Variants in VAC14 observed in about 807,000 individuals in gnomAD.
The protein encoded by VAC14 is protein VAC14 homolog.
A neutral mutation model predicts 85.3 loss-of-function variants in VAC14; 47 were observed. The observed-to-expected ratio is 0.55, with a 90% confidence interval of 0.44 to 0.70. The LOEUF (loss-of-function observed/expected upper bound fraction) is 0.70, where lower values mean the gene tolerates loss of function less well. Ranked by LOEUF, VAC14 falls within the 30% of genes least tolerant of loss-of-function variation. The pLI is 0.00. For synonymous variants in VAC14, 447 were observed against 430.5 expected, an observed-to-expected ratio of 1.04 and a Z score of -0.47; for missense variants, 861 against 1,004.3, an observed-to-expected ratio of 0.86 and a Z score of 1.93.
chr16:70,762,617 A>T lies in VAC14; in HGVS notation c.1306-12T>A, dbSNP rs1298145985. ...GTGTGCCGGAACATCTGGAGGGCAG[A>T]GAAGCAGGGGTGCCCGTGAGTGCTC... On this transcript the variant is annotated splice_polypyrimidine_tract_variant and intron_variant, in intron 11 of 18. Coordinates refer to ENST00000261776, the MANE Select transcript of VAC14 (RefSeq NM_018052.5). The surrounding 1 kb of genome is among the most constrained non-coding windows in gnomAD (Gnocchi z 4.1). The T allele has an allele frequency of 6.2e-7, 1 of 1,613,908 alleles. No individual in the cohort carries two copies. The highest frequency in any genetic ancestry group is 8.5e-7 in the Non-Finnish European group (1 of 1,179,874).
At chr16:70,705,822 C>T (rs2053910331) in intron 14 of VAC14, among the ~76,000 whole-genome samples, 1 of 152,236 alleles carries the variant, frequency 6.6e-6, no homozygotes, top group Non-Finnish European at 1.5e-5. Context: ...CTATGCTCCA[C>T]CTTGTCCACT....
intron 3 of VAC14, 97 bp from the exon 4 acceptor site, chr16:70,784,935 T>G: frequency 2.8e-6 from 3 of 1,058,446 alleles, no homozygotes; most frequent in Non-Finnish European, 4.4e-6. Flanking sequence ...GAGGCCTTGG[T>G]GCAGCCCAGA....
chr16:70,692,344 C>G (rs1361670999), intron 18 of VAC14, among the ~76,000 whole-genome samples: 3 of 151,898 alleles, frequency 2.0e-5, no homozygotes, highest in African/African-American at 7.3e-5. Context: ...ATGATGGGGT[C>G]TCCCAGTGAC....
At chr16:70,747,970 T>A (rs547752771) in intron 12 of VAC14, 1 of 146,744 alleles carries the variant, frequency 6.8e-6, no homozygotes, top group Admixed American at 7.0e-5. Flanking sequence ...ACCCTTCGAG[T>A]GGCTCCAGGG....
Position 70,687,817 on chromosome 16 carries a change from G to T in VAC14, c.*111C>A. ...CCGGCCCCAACACTGCCCTGGGTTG[G>T]CAGGCCCAGCCCTGGTCCTGACAGG... On this transcript the variant is annotated 3_prime_UTR_variant, in exon 19 of 19. Coordinates refer to ENST00000261776, the MANE Select transcript of VAC14 (RefSeq NM_018052.5). 1 of 1,201,180 alleles carries T rather than the reference G, an allele frequency of 8.3e-7. No homozygotes were observed. The highest frequency in any genetic ancestry group is 1.1e-6 in the Non-Finnish European group (1 of 934,936). The allele number at this position is 1,201,180 out of a possible 1,614,324, so 74.4% of individuals were successfully genotyped here. A position where few individuals can be genotyped will look rare whatever the true frequency, so the allele number is the denominator to read the frequency against.
At chr16:70,703,254 C>T (rs2053862699) in intron 14 of VAC14, among the ~76,000 whole-genome samples, 1 of 152,264 alleles carries the variant, frequency 6.6e-6, no homozygotes, top group Non-Finnish European at 1.5e-5. Context: ...CCATATTTTC[C>T]AACACCCGCA....
At position 70,801,061 on chromosome 16, in the gene VAC14, G is replaced by A. The variant is rs2034782719; in HGVS notation, c.-161C>T. 1 of 490,942 alleles carries A rather than the reference G, an allele frequency of 2.0e-6. No individual in the cohort carries two copies. Among genetic ancestry groups the A allele is most frequent in the South Asian group, 3.4e-5 (1 of 29,020 alleles). 30.4% of individuals were successfully genotyped at this position (490,942 alleles called of 1,614,324 possible). On this transcript the variant is annotated 5_prime_UTR_variant, in exon 1 of 19. Coordinates refer to ENST00000261776, the MANE Select transcript of VAC14 (RefSeq NM_018052.5). The stretch of plus-strand genomic sequence containing the variant: ...CTCCGCCGCCTCGCCCTGGAACCCG[G>A]GCCCGGACCCCGCTCCAGCACACCT...
intron 12 of VAC14, among the ~76,000 whole-genome samples, chr16:70,751,097 A>C (rs1020254894): frequency 6.6e-6 from 1 of 152,200 alleles, no homozygotes; most frequent in Non-Finnish European, 1.5e-5. Flanking sequence ...GGATGGACGG[A>C]GAGGCCGCCC....
intron 14 of VAC14, among the ~76,000 whole-genome samples, chr16:70,727,741 C>T (rs13332334): frequency 0.15 from 22,140 of 152,272 alleles, 4,711 homozygotes; most frequent in African/African-American, 0.47. Context: ...CTCTTTGGAA[C>T]GGCCTCAGCC....
intron 14 of VAC14, chr16:70,700,225 CA>C (rs2053797104): frequency 6.6e-6 from 1 of 152,226 alleles, no homozygotes; most frequent in Non-Finnish European, 1.5e-5. Context: ...CCACAAAGCG[CA>C]AACAGTAGGC....
intron 10 of VAC14, chr16:70,769,400 A>G (rs1445591194): frequency 6.6e-6 from 1 of 152,416 alleles, no homozygotes; most frequent in African/African-American, 2.4e-5. Flanking sequence ...CCCGTGTCCA[A>G]GCTCAGTCTC....
rs374970425 is a variant in VAC14 at position 70,744,501 on chromosome 16, C to T, written c.1450G>A (p.Asp484Asn). 3.2e-5 allele frequency: 51 copies of T among 1,613,618 alleles called. No homozygotes were observed. Among genetic ancestry groups the T allele is most frequent in the Non-Finnish European group, 4.0e-5 (47 of 1,179,956 alleles). The change falls in exon 13 of 19, where the codon GAT (aspartate) becomes AAT (asparagine). Residue 484 changes from aspartate to asparagine, a missense_variant. Around this residue, in one of 3 missense-constraint regions of VAC14, gnomAD observed 629 missense variants for 703.1 expected, o/e 0.89. Coordinates refer to ENST00000261776, the MANE Select transcript of VAC14 (RefSeq NM_018052.5). ...AGQTDDPGPL[D>N]GPDLQASHSE... is the part of the protein sequence containing the mutation. ...TGGCTGGCCTGGAGGTCAGGGCCAT[C>T]GAGGGGGCCTGGGTCATCCGTCTGG...
intron 5 of VAC14, among the ~76,000 whole-genome samples, chr16:70,783,908 G>C (rs752367697): frequency 2.0e-5 from 3 of 152,176 alleles, no homozygotes; most frequent in Non-Finnish European, 2.9e-5. Flanking sequence ...TCCCTTCCAG[G>C]GCAACAAGAA....
chr16:70,698,216 G>T (rs1290475613), intron 15 of VAC14, among the ~76,000 whole-genome samples: 1 of 152,188 alleles, frequency 6.6e-6, no homozygotes, highest in Non-Finnish European at 1.5e-5. Flanking sequence ...AGGGCGAGAA[G>T]AGCTGTTAAC....
intron 14 of VAC14, among the ~76,000 whole-genome samples, chr16:70,713,379 C>A (rs371226081): frequency 6.6e-6 from 1 of 152,232 alleles, no homozygotes; most frequent in Admixed American, 6.5e-5. Context: ...ACCACAGTTC[C>A]GCCCTGAAGA....
chr16:70,717,769 C>T (rs1175071767), intron 14 of VAC14, among the ~76,000 whole-genome samples: 1 of 152,216 alleles, frequency 6.6e-6, no homozygotes, highest in Non-Finnish European at 1.5e-5. Context: ...GCCTCAGCCT[C>T]CTGAGTAGCT....
At chr16:70,696,565 T>G (rs1159944515) in intron 16 of VAC14, among the ~76,000 whole-genome samples, 1 of 152,152 alleles carries the variant, frequency 6.6e-6, no homozygotes, top group African/African-American at 2.4e-5. Flanking sequence ...AGTGCTGAGG[T>G]GAGAATGGGT....
At chr16:70,769,989 A>C (rs1466357486) in intron 10 of VAC14, 2 of 152,280 alleles carry the variant, frequency 1.3e-5, no homozygotes, top group Non-Finnish European at 2.9e-5. Context: ...AGCCCTCTGC[A>C]GGATACACAA....
intron 14 of VAC14, among the ~76,000 whole-genome samples, chr16:70,702,381 G>A (rs556674643): frequency 6.6e-6 from 1 of 152,226 alleles, no homozygotes; most frequent in South Asian, 2.1e-4. Context: ...GCTAATTAAA[G>A]CACCACAAGA....
Sources: allele counts gnomAD v4.1 joint callset (sites outside exome capture counted in the v4.1 genomes callset), GRCh38; gene constraint gnomAD v4.1.1; regional missense constraint gnomAD v4.1.1; non-coding constraint Gnocchi (gnomAD v3.1); transcripts MANE v1.5; gene names NCBI Gene and HGNC (gene_info 2026-07-23, HGNC 2026-07-21).